Variants in PACSIN1 observed in about 807,000 individuals in gnomAD.
PACSIN1 encodes protein kinase C and casein kinase substrate in neurons protein 1.
In PACSIN1, 15 loss-of-function variants were observed where a neutral mutation model predicts 59.5. That is an observed-to-expected ratio of 0.25 (90% confidence interval 0.17 to 0.39). PACSIN1 has a LOEUF of 0.39. Ranked by LOEUF, PACSIN1 falls within the 10% of genes least tolerant of loss-of-function variation. PACSIN1 has a pLI of 1.00. For missense variants in PACSIN1, 420 were observed against 580.2 expected, an observed-to-expected ratio of 0.72 and a Z score of 2.84; for synonymous variants, 210 against 220.6, an observed-to-expected ratio of 0.95 and a Z score of 0.42.
At chr6:34,480,594 C>T (rs1766703053) in intron 1 of PACSIN1, among the ~76,000 whole-genome samples, 2 of 152,144 alleles carry the variant, frequency 1.3e-5, no homozygotes, top group Admixed American at 6.5e-5. Flanking sequence ...AGTCTGTTTA[C>T]AGACATCAGG....
chr6:34,506,049 A>G (rs1463127469), intron 1 of PACSIN1, among the ~76,000 whole-genome samples: 2 of 151,650 alleles, frequency 1.3e-5, no homozygotes, highest in Non-Finnish European at 2.9e-5. Context: ...TCTATTTTTC[A>G]TTTGTTTCAA....
chr6:34,508,139 T>C (rs190734885), intron 1 of PACSIN1, among the ~76,000 whole-genome samples: 58 of 150,118 alleles, frequency 3.9e-4, no homozygotes, highest in Middle Eastern at 3.4e-3. Flanking sequence ...GTTTCGCTCT[T>C]GTTGCCCCAG....
intron 1 of PACSIN1, among the ~76,000 whole-genome samples, chr6:34,481,668 TA>T (rs201102634): frequency 0.016 from 2,129 of 135,038 alleles, 33 homozygotes; most frequent in East Asian, 0.098. Context: ...AGACTCCATC[TA>T]AAAAAAAAAA....
At chr6:34,517,001 T>C (rs1161882534) in intron 1 of PACSIN1, among the ~76,000 whole-genome samples, 1 of 152,120 alleles carries the variant, frequency 6.6e-6, no homozygotes, top group Non-Finnish European at 1.5e-5. Flanking sequence ...GTGCAGGAGC[T>C]GGCAAGGGTG....
rs1767595340 is a variant in PACSIN1 at position 34,531,644 on chromosome 6, C to T, written c.1082C>T (p.Ser361Leu). 1 of 1,613,968 alleles carries T rather than the reference C, an allele frequency of 6.2e-7. No homozygotes were observed. The highest frequency in any genetic ancestry group is 2.2e-5 in the East Asian group (1 of 44,880). Residue 361 changes from serine to leucine, a missense_variant, in exon 9 of 10, where the codon TCA (serine) becomes TTA (leucine). By Grantham distance (145) the Ser-to-Leu change is moderately radical. Coordinates refer to ENST00000244458, the MANE Select transcript of PACSIN1 (RefSeq NM_020804.5). This position sits in a 1 kb window ranked among gnomAD's most constrained non-coding sequence, Gnocchi z 4.4. ...GGCCAGCCCTACGCCACCGAGTGGT[C>T]AGACGACGAGAGTGGGAACCCCTTT... ...DRGQPYATEW[S>L]DDESGNPFGG...
At chr6:34,487,238 C>T (rs141553692) in intron 1 of PACSIN1, among the ~76,000 whole-genome samples, 219 of 152,258 alleles carry the variant, frequency 1.4e-3, no homozygotes, top group African/African-American at 4.7e-3. Flanking sequence ...AGCCACTACA[C>T]AGAACAAGAT....
chr6:34,496,666 C>G (rs1766951784), intron 1 of PACSIN1, among the ~76,000 whole-genome samples: 1 of 152,216 alleles, frequency 6.6e-6, no homozygotes, highest in African/African-American at 2.4e-5. Context: ...GCTCCCTTCT[C>G]TGGTCATCTT....
intron 1 of PACSIN1, among the ~76,000 whole-genome samples, chr6:34,523,653 C>A (rs1282625414): frequency 6.6e-6 from 1 of 152,238 alleles, no homozygotes; most frequent in Non-Finnish European, 1.5e-5. Flanking sequence ...GTGACAGCCA[C>A]ATCCCTTTCT....
chr6:34,486,222 G>C (rs1042002120), intron 1 of PACSIN1, among the ~76,000 whole-genome samples: 1 of 152,066 alleles, frequency 6.6e-6, no homozygotes, highest in African/African-American at 2.4e-5. Context: ...GGTGGGGTGA[G>C]GTGGGTTTGG....
intron 1 of PACSIN1, among the ~76,000 whole-genome samples, chr6:34,512,906 T>C (rs1418969855): frequency 1.3e-5 from 2 of 152,234 alleles, no homozygotes; most frequent in Admixed American, 1.3e-4. Flanking sequence ...TTTGTCATTG[T>C]GGACAAACTG....
At position 34,518,785 on chromosome 6, in the gene PACSIN1, C is replaced by T. The variant is rs931333774; in HGVS notation, c.-63-7458C>T. ...GGCTGAATTTTCTCTGAACTGTTGT[C>T]ACCACCTAATGTGGTGATATTTATT... On this transcript the variant is annotated intron_variant, in intron 1 of 9. Coordinates refer to ENST00000244458, the MANE Select transcript of PACSIN1 (RefSeq NM_020804.5). The surrounding 1 kb of genome is among the most constrained non-coding windows in gnomAD (Gnocchi z 4.4). Among the ~76,000 whole-genome samples, 11 of 152,344 alleles carry T rather than the reference C, an allele frequency of 7.2e-5. No individual in the cohort carries two copies. The highest frequency in any genetic ancestry group is 3.3e-4 in the Admixed American group (5 of 15,308).
intron 3 of PACSIN1, among the ~76,000 whole-genome samples, chr6:34,527,875 T>G (rs1429992550): frequency 2.0e-5 from 3 of 152,204 alleles, no homozygotes; most frequent in Non-Finnish European, 4.4e-5. Flanking sequence ...TGTTTACCCC[T>G]AAATTCTTCA....
Position 34,516,739 on chromosome 6 carries a change from G to A in PACSIN1, c.-63-9504G>A, listed in dbSNP as rs1443194830. Among the ~76,000 whole-genome samples, 1 of 152,174 alleles carries A rather than the reference G, an allele frequency of 6.6e-6. No individual in the cohort carries two copies. Among genetic ancestry groups the A allele is most frequent in the Non-Finnish European group, 1.5e-5 (1 of 68,008 alleles). ...GGTTGCTGCTTCACAGGTTGGCTCG[G>A]GGCTGCCAGGATGGGCTTCTGGGAC... On this transcript the variant is annotated intron_variant, in intron 1 of 9. Transcript: ENST00000244458. The surrounding 1 kb of genome is among the most constrained non-coding windows in gnomAD (Gnocchi z 5.4).
intron 1 of PACSIN1, among the ~76,000 whole-genome samples, chr6:34,493,554 G>A (rs1045406284): frequency 6.6e-6 from 1 of 152,170 alleles, no homozygotes; most frequent in Non-Finnish European, 1.5e-5. Flanking sequence ...TGATTACTCT[G>A]CATCCTCGCC....
intron 1 of PACSIN1, among the ~76,000 whole-genome samples, chr6:34,499,721 G>A (rs140797962): frequency 5.4e-4 from 82 of 152,058 alleles, no homozygotes; most frequent in African/African-American, 1.9e-3. Context: ...GCTTGAACCC[G>A]GGAAGTGGAG....
rs1403471717 is a variant in PACSIN1, at chr6:34,529,959, G to T, written c.788+118G>T. 13 of 1,197,828 alleles carry T rather than the reference G, an allele frequency of 1.1e-5. No individual in the cohort carries two copies. The highest frequency in any genetic ancestry group is 4.7e-6 in the Non-Finnish European group (4 of 855,314). The allele number at this position is 1,197,828 out of a possible 1,614,324, so 74.2% of individuals were successfully genotyped here. On this transcript the variant is annotated intron_variant, in intron 6 of 9. Coordinates refer to ENST00000244458, the MANE Select transcript of PACSIN1 (RefSeq NM_020804.5). The surrounding 1 kb of genome is among the most constrained non-coding windows in gnomAD (Gnocchi z 6.3). The stretch of plus-strand genomic sequence containing the variant: ...GGGAAGGGGAGGCAGAGCTGCAGGG[G>T]TCAAGAAGGATGAGGCTTCAAACAC...
intron 1 of PACSIN1, among the ~76,000 whole-genome samples, chr6:34,469,283 G>T (rs1034006585): frequency 1.3e-5 from 2 of 152,170 alleles, no homozygotes; most frequent in East Asian, 1.9e-4. Context: ...GGTTTGCTGT[G>T]GGCAATTTAG....
chr6:34,471,662 G>A (rs116450465), intron 1 of PACSIN1, among the ~76,000 whole-genome samples: 375 of 152,326 alleles, frequency 2.5e-3, no homozygotes, highest in African/African-American at 8.6e-3. Flanking sequence ...GAACTCTCAC[G>A]TCAGTCGGGG....
Position 34,467,553 on chromosome 6 carries a change from C to CTTTTT in PACSIN1, c.-64+1301_-64+1305dup, listed in dbSNP as rs61324041. 9.5e-4 allele frequency among the ~76,000 whole-genome samples: 86 copies of CTTTTT among 90,788 alleles called. 4 individuals carry two copies. Among genetic ancestry groups the CTTTTT allele is most frequent in the South Asian group, 6.3e-3 (13 of 2,068 alleles). The allele number at this position is 90,788 out of a possible 152,430, so 59.6% of individuals were successfully genotyped here. On this transcript the variant is annotated intron_variant, in intron 1 of 9. Coordinates refer to ENST00000244458, the MANE Select transcript of PACSIN1 (RefSeq NM_020804.5). ...GGTGGTTCTCTTTAGTAGGCCCTTC[C>CTTTTT]TTTTTTTTTTTTTTTTTTTTTTGAG... is the stretch of plus-strand genomic sequence containing the variant.
Sources: allele counts gnomAD v4.1 joint callset (sites outside exome capture counted in the v4.1 genomes callset), GRCh38; gene constraint gnomAD v4.1.1; non-coding constraint Gnocchi (gnomAD v3.1); transcripts MANE v1.5; gene names NCBI Gene and HGNC (gene_info 2026-07-23, HGNC 2026-07-21).